SNTB1: variants seen among roughly 807,000 people sequenced by gnomAD.
SNTB1 encodes beta-1-syntrophin.
Under a neutral mutation model 48.9 loss-of-function variants are expected in SNTB1, and 36 were observed. The observed-to-expected ratio is 0.74, with a 90% CI of 0.56 to 0.97. The LOEUF is 0.97. Ranked by LOEUF, SNTB1 falls within the 50% of genes least tolerant of loss-of-function variation. The pLI is 0.00. For missense variants in SNTB1, 786 were observed against 703.4 expected, an observed-to-expected ratio of 1.12 and a Z score of -1.33; for synonymous variants, 299 against 294.6, an observed-to-expected ratio of 1.01 and a Z score of -0.15.
At chr8:120,566,450 A>G (rs765110637) in intron 4 of SNTB1, among the ~76,000 whole-genome samples, 4 of 151,890 alleles carry the variant, frequency 2.6e-5, no homozygotes, top group Non-Finnish European at 5.9e-5. Context: ...CGAGAACACG[A>G]CTTCACCAGA....
intron 2 of SNTB1, among the ~76,000 whole-genome samples, chr8:120,656,996 C>T (rs941371301): frequency 2.0e-5 from 3 of 152,104 alleles, no homozygotes; most frequent in East Asian, 3.8e-4. Flanking sequence ...AATGACAGTG[C>T]TATTTACTAC....
At chr8:120,695,367 GGTGTCCC>G (rs760678271) in intron 1 of SNTB1, among the ~76,000 whole-genome samples, 2 of 152,118 alleles carry the variant, frequency 1.3e-5, no homozygotes, top group Non-Finnish European at 2.9e-5. Flanking sequence ...GTATGCTGTT[GGTGTCCC>G]ATCTGGGACC....
intron 1 of SNTB1, among the ~76,000 whole-genome samples, chr8:120,736,511 C>T (rs1199573874): frequency 6.6e-6 from 1 of 152,208 alleles, no homozygotes. Context: ...CTATCAAGAG[C>T]TGGTTTTGCT....
chr8:120,626,643 A>T (rs1293482598), intron 3 of SNTB1, among the ~76,000 whole-genome samples: 2 of 151,990 alleles, frequency 1.3e-5, no homozygotes, highest in Non-Finnish European at 2.9e-5. Context: ...GCTTTGACAA[A>T]TTGTCATCAT....
At chr8:120,630,247 G>A (rs563138453) in intron 3 of SNTB1, among the ~76,000 whole-genome samples, 15 of 152,302 alleles carry the variant, frequency 9.8e-5, no homozygotes, top group Admixed American at 2.6e-4. Flanking sequence ...GCTTCAGCCC[G>A]TGGAAGACAC....
intron 2 of SNTB1, among the ~76,000 whole-genome samples, chr8:120,650,059 C>T (rs1486167396): frequency 1.3e-5 from 2 of 151,606 alleles, no homozygotes; most frequent in African/African-American, 2.4e-5. Context: ...TGACCTGCGC[C>T]CACTGTCTGG....
At chr8:120,649,065 C>A (rs1322640586) in intron 2 of SNTB1, among the ~76,000 whole-genome samples, 8 of 147,884 alleles carry the variant, frequency 5.4e-5, no homozygotes, top group Non-Finnish European at 1.1e-4. Context: ...GTTATACATT[C>A]TTCTAAATTT....
intron 1 of SNTB1, among the ~76,000 whole-genome samples, chr8:120,778,241 T>C (rs1017976329): frequency 1.3e-5 from 2 of 152,206 alleles, no homozygotes; most frequent in Non-Finnish European, 2.9e-5. Flanking sequence ...TGAATCTATA[T>C]TTACTCACAA....
Position 120,640,873 on chromosome 8 carries a change from G to A in SNTB1, c.789-8222C>T, listed in dbSNP as rs148931605. ...TGTGTCTGCCAGGCTTTGGTATCAG[G>A]ATGATGCTAGCCTCATAAAATGAGT... On this transcript the variant is annotated intron_variant, in intron 2 of 6. Transcript: ENST00000517992. 2.8e-3 allele frequency among the ~76,000 whole-genome samples: 419 copies of A among 152,230 alleles called. 2 individuals are homozygous for A. The highest frequency in any genetic ancestry group is 8.8e-3 in the African/African-American group (367 of 41,534).
At chr8:120,793,840 T>TATTAAGAG (rs1156350009) in intron 1 of SNTB1, among the ~76,000 whole-genome samples, 2 of 152,034 alleles carry the variant, frequency 1.3e-5, no homozygotes, top group Non-Finnish European at 2.9e-5. Context: ...CCCCCAAAAT[T>TATTAAGAG]ATTAAGAGTT....
intron 3 of SNTB1, among the ~76,000 whole-genome samples, chr8:120,616,142 G>T (rs143549201): frequency 1.3e-5 from 2 of 151,998 alleles, no homozygotes; most frequent in South Asian, 4.2e-4. Context: ...TCTCCAAGTC[G>T]GTAATGATTC....
intron 2 of SNTB1, among the ~76,000 whole-genome samples, chr8:120,649,484 T>C (rs1300956368): frequency 7.1e-6 from 1 of 139,926 alleles, no homozygotes; most frequent in Non-Finnish European, 1.6e-5. Flanking sequence ...TGCTCGGGGG[T>C]CAGGGGTCAG....
intron 3 of SNTB1, among the ~76,000 whole-genome samples, chr8:120,606,309 T>C (rs1025700557): frequency 7.2e-5 from 10 of 138,406 alleles, no homozygotes; most frequent in Non-Finnish European, 1.6e-4. Context: ...GTATATATAA[T>C]ACTATATATA....
At chr8:120,645,229 A>G (rs1563840365) in intron 2 of SNTB1, among the ~76,000 whole-genome samples, 4 of 152,218 alleles carry the variant, frequency 2.6e-5, no homozygotes, top group South Asian at 2.1e-4. Flanking sequence ...TAGACATGAA[A>G]TCCTTGCCCA....
chr8:120,730,909 C>A (rs1244234070), intron 1 of SNTB1, among the ~76,000 whole-genome samples: 1 of 152,022 alleles, frequency 6.6e-6, no homozygotes, highest in African/African-American at 2.4e-5. Context: ...CAGTTGAGGT[C>A]AGGAGTTTGA....
chr8:120,557,126 T>G (rs1278620052), intron 4 of SNTB1, among the ~76,000 whole-genome samples: 2 of 152,170 alleles, frequency 1.3e-5, no homozygotes, highest in Non-Finnish European at 2.9e-5. Flanking sequence ...AAAGGTTTCC[T>G]AACAATGCCA....
intron 2 of SNTB1, among the ~76,000 whole-genome samples, chr8:120,646,064 G>A (rs1240296073): frequency 6.7e-6 from 1 of 148,686 alleles, no homozygotes. Context: ...GAGATTTTGG[G>A]CTGAGACAGT....
chr8:120,669,666 A>G (rs1469307591), intron 2 of SNTB1, among the ~76,000 whole-genome samples: 1 of 39,726 alleles, frequency 2.5e-5, no homozygotes, highest in African/African-American at 8.3e-4. Flanking sequence ...GTTAGCCAGG[A>G]TGGTCTCGAT....
chr8:120,759,784 G>C (rs1436974969), intron 1 of SNTB1, among the ~76,000 whole-genome samples: 2 of 152,102 alleles, frequency 1.3e-5, no homozygotes, highest in Non-Finnish European at 2.9e-5. Context: ...TGGCCCTCTA[G>C]TGTTCCCCAC....
Sources: gnomAD v4.1 joint callset for allele counts (sites outside exome capture counted in the v4.1 genomes callset) on GRCh38, gnomAD v4.1.1 for gene constraint, MANE v1.5 for transcripts, NCBI Gene and HGNC (gene_info 2026-07-23, HGNC 2026-07-21) for gene names.